The following NPHS1 variants were observed in gnomAD, a reference collection of about 807,000 sequenced individuals.
NPHS1 encodes the protein nephrin.
A neutral mutation model predicts 139.7 loss-of-function variants in NPHS1; 107 were observed. The observed-to-expected ratio is 0.77, with a 90% CI of 0.66 to 0.90. The LOEUF (loss-of-function observed/expected upper bound fraction) is 0.90, where lower values mean the gene tolerates loss of function less well. NPHS1 is among the 40% of genes least tolerant of loss of function. The pLI is 0.00. For missense variants in NPHS1, 1,580 were observed against 1,654.2 expected (o/e 0.96, Z 0.78); for synonymous variants, 707 against 706.6 (o/e 1.00, Z -0.01).
chr19:35,851,316 G>A lies in NPHS1; in HGVS notation c.343C>T (p.Arg115Cys), dbSNP rs756755401. Residue 115 changes from arginine to cysteine, a missense_variant, in exon 3 of 29, where the codon CGC becomes TGC. Physicochemically the swap from Arg to Cys is radical, Grantham distance 180. Transcript: ENST00000378910. Reference sequence around the variant, plus strand: ...ACGAGCTCGGGCCCCATCTCAGAGCGGCCGACCTGGCACTCATACTCCGCG... The same window carrying A: ...ACGAGCTCGGGCCCCATCTCAGAGCAGCCGACCTGGCACTCATACTCCGCG... ...DDAEYECQVGRSEMGPELVSP... is the reference protein window; with the variant it reads ...DDAEYECQVGCSEMGPELVSP... The A allele has an allele frequency of 8.1e-6, 13 of 1,613,808 alleles. No individual in the cohort carries two copies. Among genetic ancestry groups the A allele is most frequent in the East Asian group, 4.5e-5 (2 of 44,880 alleles).
chr19:35,832,886 CAAAAAAAAAAAA>C (rs748346116), intron 23 of NPHS1, among the ~76,000 whole-genome samples: 2 of 45,422 alleles, frequency 4.4e-5, no homozygotes, highest in Non-Finnish European at 8.4e-5. Context: ...GACCCTGTCT[CAAAAAAAAAAAA>C]AAAAAAAAAA....
At position 35,826,471 on chromosome 19, in the gene NPHS1, T is replaced by C; in HGVS notation, c.*43A>G. 2 of 1,610,290 alleles carry C rather than the reference T, an allele frequency of 1.2e-6. No homozygotes were observed. Among genetic ancestry groups the C allele is most frequent in the Non-Finnish European group, 8.5e-7 (1 of 1,178,196 alleles). On this transcript the variant is annotated 3_prime_UTR_variant, in exon 29 of 29. Transcript: ENST00000378910. The stretch of plus-strand genomic sequence containing the variant: ...GCTGTAATGAGAGAGACCAGTGGAG[T>C]GTAAATTCCTGCAGGTGCAGGACAA...
In NPHS1 at chr19:35,842,493, T is replaced by C. The variant is rs780251670; in HGVS notation, c.2392A>G (p.Thr798Ala). Reference sequence around the variant, plus strand: ...GCATGGTGAATCCGCAGGCGCCCCGTTGGTCCCCTGGATATCTTCTCCATG... The same window carrying C: ...GCATGGTGAATCCGCAGGCGCCCCGCTGGTCCCCTGGATATCTTCTCCATG... ...DDMEKISRGP[T>A]GRLRIHHAKL... is the part of the protein sequence containing the mutation. Residue 798 changes from threonine (T) to alanine (A), a missense_variant, in exon 18 of 29, where the codon ACG (threonine) becomes GCG (alanine). Coordinates refer to ENST00000378910, the MANE Select transcript of NPHS1 (RefSeq NM_004646.4). 1 of 1,614,152 alleles carries C rather than the reference T, an allele frequency of 6.2e-7. No individual in the cohort carries two copies. The highest frequency in any genetic ancestry group is 8.5e-7 in the Non-Finnish European group (1 of 1,180,004).
Position 35,842,461 on chromosome 19 carries a change from C to T in NPHS1, c.2424G>A (p.Leu808=). ...TGRLRIHHAK[L]AQAGAYQCIV... The stretch of plus-strand genomic sequence containing the variant: ...TGCACTGGTAAGCGCCAGCCTGGGC[C>T]AGTTTGGCATGGTGAATCCGCAGGC... The change falls in exon 18 of 29, where the codon CTG becomes CTA. Residue 808 remains leucine (L), a synonymous_variant. Coordinates refer to ENST00000378910, the MANE Select transcript of NPHS1 (RefSeq NM_004646.4). 6.2e-7 allele frequency: 1 copy of T among 1,614,170 alleles called. No homozygotes were observed. Among genetic ancestry groups the T allele is most frequent in the Non-Finnish European group, 8.5e-7 (1 of 1,180,026 alleles).
At position 35,851,008 on chromosome 19, in the gene NPHS1, C is replaced by T. The variant is rs386833944; in HGVS notation, c.479G>A (p.Cys160Tyr). 6.2e-7 allele frequency: 1 copy of T among 1,614,152 alleles called. No homozygotes were observed. Among genetic ancestry groups the T allele is most frequent in the Non-Finnish European group, 8.5e-7 (1 of 1,180,016 alleles). The change falls in exon 4 of 29, where the codon TGT becomes TAT. Residue 160 changes from cysteine to tyrosine, a missense_variant. Coordinates refer to ENST00000378910, the MANE Select transcript of NPHS1 (RefSeq NM_004646.4). Reference sequence around the variant, plus strand: ...TGCTGGCTTCGCGTCCCCAGACACACAGTTGACCACGTACTCCTGCCCAGC... The same window carrying T: ...TGCTGGCTTCGCGTCCCCAGACACATAGTTGACCACGTACTCCTGCCCAGC... ...WVAGQEYVVN[C>Y]VSGDAKPAPD...
rs1473823723 is a variant in NPHS1, at chr19:35,846,075, C to T, written c.1560G>A (p.Ser520=). 6.9e-6 allele frequency: 11 copies of T among 1,595,544 alleles called. No individual in the cohort carries two copies. In the Admixed American group the frequency reaches 1.9e-4, roughly 28 times the overall value. The change falls in exon 12 of 29, where the codon TCG becomes TCA. Residue 520 remains serine (S), a synonymous_variant. Transcript: ENST00000378910. ...TGCACGTGAACTTGGCCTGGTTGTC[C>T]GACGGCCCTGTGACCAGCACCAGCT... is the stretch of plus-strand genomic sequence containing the variant. ...SRELVLVTGP[S]DNQAKFTCKA...
rs1362171236 is a variant in NPHS1 at position 35,845,597 on chromosome 19, T to C, written c.1758-57A>G. On this transcript the variant is annotated intron_variant, in intron 13 of 28. Coordinates refer to ENST00000378910, the MANE Select transcript of NPHS1 (RefSeq NM_004646.4). This position sits in a 1 kb window ranked among gnomAD's most constrained non-coding sequence, Gnocchi z 5.5. ...GCGGAGCCAGAGGCTGGAGAGGCAC[T>C]AGGCGGGGGCGGGACATGCGTGGAG... is the stretch of plus-strand genomic sequence containing the variant. The C allele has an allele frequency of 1.2e-6, 2 of 1,605,262 alleles. No individual in the cohort carries two copies. The highest frequency in any genetic ancestry group is 4.5e-5 in the East Asian group (2 of 44,554).
intron 22 of NPHS1, 90 bp downstream of exon 22, chr19:35,839,147 C>T: frequency 1.6e-6 from 2 of 1,261,586 alleles, no homozygotes; most frequent in Non-Finnish European, 2.3e-6. Flanking sequence ...CTCAGTAACT[C>T]ATCATAAAAG....
At chr19:35,827,486 A>G (rs1396849266) in intron 28 of NPHS1, among the ~76,000 whole-genome samples, 1 of 152,124 alleles carries the variant, frequency 6.6e-6, no homozygotes, top group Non-Finnish European at 1.5e-5. Context: ...GAAAAAAGAA[A>G]AAACCAGTAG....
intron 22 of NPHS1, among the ~76,000 whole-genome samples, chr19:35,837,052 AAGAAAGAAAGAAAGAAAGAAAAAT>A (rs1396805373): frequency 1.5e-5 from 2 of 134,026 alleles, no homozygotes; most frequent in South Asian, 2.4e-4. Context: ...GAAAGAAAGA[AAGAAAGAAAGAAAGAAAGAAAAAT>A]AAACTGAGCC....
At chr19:35,841,525 T>C (rs1973055250) in intron 20 of NPHS1, among the ~76,000 whole-genome samples, 190 bp downstream of exon 20, 1 of 152,226 alleles carries the variant, frequency 6.6e-6, no homozygotes, top group African/African-American at 2.4e-5. Context: ...TTTCTTTTTC[T>C]TTTGCCTTTG....
In NPHS1 at chr19:35,845,283, A is replaced by G. The variant is rs573076218; in HGVS notation, c.1930+85T>C. On this transcript the variant is annotated intron_variant, in intron 14 of 28. Coordinates refer to ENST00000378910, the MANE Select transcript of NPHS1 (RefSeq NM_004646.4). The surrounding 1 kb of genome is among the most constrained non-coding windows in gnomAD (Gnocchi z 5.5). ...TGAAAGAGAGAGAGAGAGAGAAGAG[A>G]AAAAGAAGGAAAAAAAGGTAAGACC... 2.7e-6 allele frequency: 4 copies of G among 1,459,756 alleles called. No individual in the cohort carries two copies. The African/African-American group carries it at 5.6e-5, about 20-fold the overall frequency. The allele number at this position is 1,459,756 out of a possible 1,614,324, so 90.4% of individuals were successfully genotyped here.
chr19:35,845,236 T>C lies in NPHS1; in HGVS notation c.1930+132A>G. On this transcript the variant is annotated intron_variant, in intron 14 of 28. Coordinates refer to ENST00000378910, the MANE Select transcript of NPHS1 (RefSeq NM_004646.4). The surrounding 1 kb of genome is among the most constrained non-coding windows in gnomAD (Gnocchi z 5.5). ...AGTGACCTATGATTGCGTCACTGCA[T>C]TGCAGCCTGAGCGACAAAAAATGAA... The C allele has an allele frequency of 1.9e-6, 2 of 1,041,800 alleles. No homozygotes were observed. The highest frequency in any genetic ancestry group is 2.9e-6 in the Non-Finnish European group (2 of 686,850). 64.5% of individuals were successfully genotyped at this position (1,041,800 alleles called of 1,614,324 possible). A position where few individuals can be genotyped will look rare whatever the true frequency, so the allele number is the denominator to read the frequency against.
Position 35,850,974 on chromosome 19 carries a change from G to C in NPHS1, c.513C>G (p.Ile171Met), listed in dbSNP as rs1244579619. Residue 171 changes from isoleucine to methionine, a missense_variant, in exon 4 of 29, where the codon ATC (isoleucine) becomes ATG (methionine). Coordinates refer to ENST00000378910, the MANE Select transcript of NPHS1 (RefSeq NM_004646.4). ...VSGDAKPAPD[I>M]TILLSGQTIS... Reference sequence around the variant, plus strand: ...ACCCACACTCACTCAGGAGAATGGTGATGTCAGGTGCTGGCTTCGCGTCCC... The same window carrying C: ...ACCCACACTCACTCAGGAGAATGGTCATGTCAGGTGCTGGCTTCGCGTCCC... 6.2e-7 allele frequency: 1 copy of C among 1,614,020 alleles called. No homozygotes were observed.
rs141806476 is a variant in NPHS1 at position 35,840,236 on chromosome 19, C to A, written c.2816-629G>T. Among the ~76,000 whole-genome samples, 1,425 of 151,836 alleles carry A rather than the reference C, an allele frequency of 9.4e-3. 31 individuals carry two copies. The highest frequency in any genetic ancestry group is 0.033 in the African/African-American group (1,358 of 41,456). ...GCCAGGCTTGTCTCGAACTCCTGACCTCAGGTGATCCACCCGCCTTGGCCT... is the reference window on the plus strand; with the variant it reads ...GCCAGGCTTGTCTCGAACTCCTGACATCAGGTGATCCACCCGCCTTGGCCT... On this transcript the variant is annotated intron_variant, in intron 20 of 28. Transcript: ENST00000378910.
chr19:35,848,406 G>A lies in NPHS1; in HGVS notation c.1171-9C>T, dbSNP rs2146826724. On this transcript the variant is annotated splice_polypyrimidine_tract_variant and intron_variant, in intron 9 of 28. Transcript: ENST00000378910. ...TGACCGCCATGCAGTCCCTGGCAGGGAGTGAGCTTCAGACGTGGGGACTGC... is the reference window on the plus strand; with the variant it reads ...TGACCGCCATGCAGTCCCTGGCAGGAAGTGAGCTTCAGACGTGGGGACTGC... 6.2e-7 allele frequency: 1 copy of A among 1,614,136 alleles called. No individual in the cohort carries two copies. Among genetic ancestry groups the A allele is most frequent in the East Asian group, 2.2e-5 (1 of 44,880 alleles).
In NPHS1 at chr19:35,831,346, C is replaced by A; in HGVS notation, c.3337G>T (p.Glu1113Ter). 1 of 1,614,078 alleles carries A rather than the reference C, an allele frequency of 6.2e-7. No homozygotes were observed. The highest frequency in any genetic ancestry group is 8.5e-7 in the Non-Finnish European group (1 of 1,180,012). ...CCTGTCCACTGGCTCTCCTCATATT[C>A]GTTCCTGACTCGGTCCTCTTCCGAC... ...AGSEEDRVRN[E>*]YEESQWTGER... Residue 1113 changes from glutamate (E) to a stop codon, truncating the protein, a stop_gained, in exon 26 of 29, where the codon GAA becomes TAA. Transcript: ENST00000378910. LOFTEE classifies it high-confidence loss of function.
Position 35,825,560 on chromosome 19 carries a change from C to G in NPHS1, c.*954G>C, listed in dbSNP as rs1324320391. Among the ~76,000 whole-genome samples the G allele has an allele frequency of 1.3e-5, 2 of 152,284 alleles. No individual in the cohort carries two copies. On this transcript the variant is annotated 3_prime_UTR_variant, in exon 29 of 29. Transcript: ENST00000378910. ...GCCTTTTTGCAGTCAACCCTCCTCTCATGGCCCCAGGAAACCTCTGCTGTG... is the reference window on the plus strand; with the variant it reads ...GCCTTTTTGCAGTCAACCCTCCTCTGATGGCCCCAGGAAACCTCTGCTGTG...
chr19:35,845,594 C>G lies in NPHS1; in HGVS notation c.1758-54G>C. 4 of 1,605,100 alleles carry G rather than the reference C, an allele frequency of 2.5e-6. No individual in the cohort carries two copies. Among genetic ancestry groups the G allele is most frequent in the Non-Finnish European group, 3.4e-6 (4 of 1,174,998 alleles). Reference sequence around the variant, plus strand: ...CGAGCGGAGCCAGAGGCTGGAGAGGCACTAGGCGGGGGCGGGACATGCGTG... The same window carrying G: ...CGAGCGGAGCCAGAGGCTGGAGAGGGACTAGGCGGGGGCGGGACATGCGTG... On this transcript the variant is annotated intron_variant, in intron 13 of 28. Coordinates refer to ENST00000378910, the MANE Select transcript of NPHS1 (RefSeq NM_004646.4). This position sits in a 1 kb window ranked among gnomAD's most constrained non-coding sequence, Gnocchi z 5.5.
Sources: allele counts gnomAD v4.1 joint callset (sites outside exome capture counted in the v4.1 genomes callset), GRCh38; gene constraint gnomAD v4.1.1; non-coding constraint Gnocchi (gnomAD v3.1); transcripts MANE v1.5; gene names NCBI Gene and HGNC (gene_info 2026-07-23, HGNC 2026-07-21).